The following IGF2BP1 variants were observed in gnomAD, a reference collection of about 807,000 sequenced individuals.
IGF2BP1 encodes the protein insulin like growth factor 2 mRNA binding protein 1, also known as insulin-like growth factor 2 mRNA-binding protein 1.
Under a neutral mutation model 74.9 loss-of-function variants are expected in IGF2BP1, and 11 were observed. The ratio of observed to expected loss-of-function variants is 0.15; its 90% CI spans 0.09 to 0.24. The LOEUF (loss-of-function observed/expected upper bound fraction) is 0.24. IGF2BP1 is among the 10% of genes least tolerant of loss of function. The pLI, the probability that IGF2BP1 is intolerant of heterozygous loss-of-function variation, is 1.00. For missense variants in IGF2BP1, 440 were observed against 757.4 expected (o/e 0.58, Z 4.92); for synonymous variants, 287 against 281.8 (o/e 1.02, Z -0.18).
Position 49,034,361 on chromosome 17 carries a change from C to T in IGF2BP1, c.401+2388C>T, listed in dbSNP as rs898811294. 4.0e-5 allele frequency among the ~76,000 whole-genome samples: 6 copies of T among 151,498 alleles called. No homozygotes were observed. The East Asian group carries it at 5.8e-4, about 15-fold the overall frequency. On this transcript the variant is annotated intron_variant, in intron 5 of 14. Coordinates refer to ENST00000290341, the MANE Select transcript of IGF2BP1 (RefSeq NM_006546.4). ...CTTGAACTCCTGACGTCAGGCGATC[C>T]GCCCACCTTGGCCTCCCAAAGTGTT...
rs1404892911 is a variant in IGF2BP1, at chr17:49,054,796, T to G, written c.*5352T>G. The G allele has an allele frequency of 6.6e-6, 1 of 152,128 alleles. No individual in the cohort carries two copies. Among genetic ancestry groups the G allele is most frequent in the Non-Finnish European group, 1.5e-5 (1 of 68,050 alleles). 9.4% of individuals were successfully genotyped at this position (152,128 alleles called of 1,614,324 possible). A position where few individuals can be genotyped will look rare whatever the true frequency, so the allele number is the denominator to read the frequency against. ...TTTCTTTGAGATCCTACACCTCCATTGGGCCCTTTTTCAGTCTTCAATGGG... is the reference window on the plus strand; with the variant it reads ...TTTCTTTGAGATCCTACACCTCCATGGGGCCCTTTTTCAGTCTTCAATGGG... On this transcript the variant is annotated 3_prime_UTR_variant, in exon 15 of 15. Coordinates refer to ENST00000290341, the MANE Select transcript of IGF2BP1 (RefSeq NM_006546.4).
At chr17:49,008,154 A>G (rs1220066930) in intron 2 of IGF2BP1, among the ~76,000 whole-genome samples, 2 of 151,562 alleles carry the variant, frequency 1.3e-5, no homozygotes. Context: ...CCTGGGTGAC[A>G]AGAGTGAAAT....
At chr17:49,034,756 CAAAA>C (rs11388257) in intron 5 of IGF2BP1, among the ~76,000 whole-genome samples, 1 of 136,142 alleles carries the variant, frequency 7.3e-6, no homozygotes, top group African/African-American at 2.9e-5. Context: ...ACAAAAAAAA[CAAAA>C]AAAACAAAAA....
intron 6 of IGF2BP1, 48 bp downstream of exon 6, chr17:49,038,497 G>A: frequency 7.1e-7 from 1 of 1,412,230 alleles, no homozygotes; most frequent in South Asian, 1.6e-5. Context: ...AGGGAACAGT[G>A]GTTGGTACCT....
intron 2 of IGF2BP1, among the ~76,000 whole-genome samples, chr17:49,025,018 C>A (rs2041834153): frequency 6.6e-6 from 1 of 151,956 alleles, no homozygotes; most frequent in African/African-American, 2.4e-5. Flanking sequence ...ATGGTGAAAC[C>A]CTGTCTCTAC....
intron 5 of IGF2BP1, among the ~76,000 whole-genome samples, chr17:49,032,608 C>G (rs1269749911): frequency 6.6e-6 from 1 of 152,154 alleles, no homozygotes; most frequent in Non-Finnish European, 1.5e-5. Flanking sequence ...CCACATTTTG[C>G]TTTGGGCTTT....
chr17:49,016,340 A>G (rs989827390), intron 2 of IGF2BP1, among the ~76,000 whole-genome samples: 1 of 152,118 alleles, frequency 6.6e-6, no homozygotes, highest in Admixed American at 6.5e-5. Flanking sequence ...TTCTGCCTCA[A>G]TGTATGAATC....
intron 2 of IGF2BP1, among the ~76,000 whole-genome samples, chr17:49,024,540 C>T (rs918326643): frequency 3.3e-5 from 5 of 152,158 alleles, no homozygotes; most frequent in South Asian, 2.1e-4. Flanking sequence ...TTCACAGATA[C>T]ATCTATTGTT....
At chr17:49,022,496 T>G (rs1324581701) in intron 2 of IGF2BP1, among the ~76,000 whole-genome samples, 1 of 151,998 alleles carries the variant, frequency 6.6e-6, no homozygotes, top group African/African-American at 2.4e-5. Context: ...TGGAGTGGGT[T>G]CCCAGGGTGG....
intron 2 of IGF2BP1, chr17:49,017,676 T>C (rs971530314): frequency 2.6e-5 from 4 of 152,170 alleles, no homozygotes; most frequent in Non-Finnish European, 2.9e-5. Context: ...TGGCATGATA[T>C]CAGCTCACCA....
intron 2 of IGF2BP1, among the ~76,000 whole-genome samples, chr17:49,000,113 T>G (rs1274119169): frequency 6.6e-6 from 1 of 151,862 alleles, no homozygotes; most frequent in East Asian, 1.9e-4. Flanking sequence ...AAGGGCAGAG[T>G]CTTTCTACTT....
chr17:49,041,345 CTT>C lies in IGF2BP1; in HGVS notation c.819-32_819-31del. ...CATGAAGCCCACAATTGAAGGAACT[CTT>C]GTCTTCCACTTCTTCCTTTGTCTTC... On this transcript the variant is annotated intron_variant, in intron 7 of 14. Transcript: ENST00000290341. 1.9e-6 allele frequency: 3 copies of C among 1,612,438 alleles called. 1 individual carries two copies. Among genetic ancestry groups the C allele is most frequent in the Middle Eastern group, 1.7e-4 (1 of 5,782 alleles).
In IGF2BP1 at chr17:48,997,964, C is replaced by A. The variant is rs760829128; in HGVS notation, c.175+44C>A. 6.3e-7 allele frequency: 1 copy of A among 1,595,082 alleles called. No individual in the cohort carries two copies. Among genetic ancestry groups the A allele is most frequent in the Non-Finnish European group, 8.6e-7 (1 of 1,169,270 alleles). Reference sequence around the variant, plus strand: ...CCCGGAAAAGCCACAACGAGAGCCCCGAACAACGGAGACCCGCACCTTCCG... The same window carrying A: ...CCCGGAAAAGCCACAACGAGAGCCCAGAACAACGGAGACCCGCACCTTCCG... On this transcript the variant is annotated intron_variant, in intron 1 of 14. Coordinates refer to ENST00000290341, the MANE Select transcript of IGF2BP1 (RefSeq NM_006546.4). This position sits in a 1 kb window ranked among gnomAD's most constrained non-coding sequence, Gnocchi z 4.8.
intron 4 of IGF2BP1, among the ~76,000 whole-genome samples, chr17:49,027,984 G>T (rs1460568179): frequency 6.6e-6 from 1 of 151,704 alleles, no homozygotes; most frequent in Non-Finnish European, 1.5e-5. Context: ...ACCAGCCTGG[G>T]AAACAGTGAG....
intron 14 of IGF2BP1, among the ~76,000 whole-genome samples, chr17:49,047,150 GT>G (rs888996266): frequency 3.9e-5 from 6 of 152,214 alleles, no homozygotes; most frequent in Admixed American, 2.0e-4. Flanking sequence ...CTGGCTCTTG[GT>G]TTTTTGGCTT....
intron 5 of IGF2BP1, among the ~76,000 whole-genome samples, chr17:49,035,590 G>T (rs567604638): frequency 6.6e-6 from 1 of 152,302 alleles, no homozygotes; most frequent in African/African-American, 2.4e-5. Flanking sequence ...CACACATGTG[G>T]GGCCCCACCA....
rs749731111 is a variant in IGF2BP1, at chr17:49,025,853, C to CTTTTT, written c.285+190_285+191insTTTTT. Among the ~76,000 whole-genome samples, 64 of 140,332 alleles carry CTTTTT rather than the reference C, an allele frequency of 4.6e-4. 2 individuals carry two copies. Among genetic ancestry groups the CTTTTT allele is most frequent in the African/African-American group, 8.7e-4 (31 of 35,752 alleles). 92.1% of individuals were successfully genotyped at this position (140,332 alleles called of 152,430 possible). A position where few individuals can be genotyped will look rare whatever the true frequency, so the allele number is the denominator to read the frequency against. ...TTTCTTCTTTTTCTTTCTTTCTTTT[C>CTTTTT]TTTCTTTTTTTTTTTTTTTGAGATG... On this transcript the variant is annotated intron_variant, in intron 3 of 14. Transcript: ENST00000290341.
chr17:49,020,938 C>T (rs1033806226), intron 2 of IGF2BP1, among the ~76,000 whole-genome samples: 24 of 147,462 alleles, frequency 1.6e-4, no homozygotes, highest in African/African-American at 3.3e-4. Context: ...AGACCAGCCT[C>T]GAAAACATGG....
chr17:49,033,405 G>C (rs2041947147), intron 5 of IGF2BP1, among the ~76,000 whole-genome samples: 1 of 150,564 alleles, frequency 6.6e-6, no homozygotes, highest in Non-Finnish European at 1.5e-5. Flanking sequence ...GCAGTGGCGT[G>C]ATCTTGGCTC....
Sources: gnomAD v4.1 joint callset for allele counts (sites outside exome capture counted in the v4.1 genomes callset) on GRCh38, gnomAD v4.1.1 for gene constraint, Gnocchi (gnomAD v3.1) non-coding constraint, MANE v1.5 for transcripts, NCBI Gene and HGNC (gene_info 2026-07-23, HGNC 2026-07-21) for gene names.